VPS37A: variants seen among roughly 807,000 people sequenced by gnomAD.
VPS37A encodes the protein VPS37A subunit of ESCRT-I, also known as vacuolar protein sorting-associated protein 37A.
A neutral mutation model predicts 49.8 loss-of-function variants in VPS37A; 30 were observed. The observed-to-expected ratio is 0.60, with a 90% CI of 0.45 to 0.82. VPS37A has a LOEUF of 0.82. Ranked by LOEUF, VPS37A falls within the 40% of genes least tolerant of loss-of-function variation. The pLI, the probability that VPS37A is intolerant of heterozygous loss-of-function variation, is 0.00. For synonymous variants in VPS37A, 195 were observed against 160.6 expected, an observed-to-expected ratio of 1.21 and a Z score of -1.62; for missense variants, 593 against 464.4, an observed-to-expected ratio of 1.28 and a Z score of -2.55.
At chr8:17,312,852 C>T in the VPS37A span, among the ~76,000 whole-genome samples, 1 of 152,138 alleles carries the variant, frequency 6.6e-6, no homozygotes, top group Non-Finnish European at 1.5e-5. Flanking sequence ...TCTAAAACAG[C>T]TTATGTGAAA....
intron 6 of VPS37A, chr8:17,279,580 A>T (rs1814842897): frequency 3.4e-6 from 1 of 291,114 alleles, no homozygotes; most frequent in African/African-American, 2.2e-5. Flanking sequence ...TCAAGCAATT[A>T]AGTTAAACAG....
intron 1 of VPS37A, 172 bp downstream of exon 1, chr8:17,247,541 T>C (rs1244030856): frequency 2.1e-6 from 2 of 950,476 alleles, no homozygotes; most frequent in South Asian, 1.5e-5. Flanking sequence ...TTTACTGTTT[T>C]CCTCCGGACC....
chr8:17,249,064 AC>A (rs2150340021), intron 1 of VPS37A, among the ~76,000 whole-genome samples: 1 of 152,326 alleles, frequency 6.6e-6, no homozygotes, highest in African/African-American at 2.4e-5. Context: ...CTTTTTTAGA[AC>A]CACACTTTTG....
intron 1 of VPS37A, among the ~76,000 whole-genome samples, chr8:17,264,480 T>C (rs1343809305): frequency 6.6e-6 from 1 of 152,194 alleles, no homozygotes; most frequent in African/African-American, 2.4e-5. Flanking sequence ...GAGTCTTTTC[T>C]TAATCGTTTT....
downstream of VPS37A, chr8:17,299,889 A>G (rs1176670493): frequency 1.2e-6 from 2 of 1,614,088 alleles, no homozygotes; most frequent in Non-Finnish European, 1.7e-6. Flanking sequence ...CGGCTTCATC[A>G]GAATCCCGGT....
chr8:17,300,280 A>C (rs202019101), downstream of VPS37A: 1 of 1,519,842 alleles, frequency 6.6e-7, no homozygotes, highest in Non-Finnish European at 8.9e-7. Context: ...ATCTTTTTCT[A>C]TATATGCATG....
chr8:17,313,392 A>C, the VPS37A span: 1 of 1,609,304 alleles, frequency 6.2e-7, no homozygotes, highest in African/African-American at 1.3e-5. Context: ...GGGAGATTTA[A>C]GTTCACACAC....
chr8:17,331,305 A>G, the VPS37A span: 8 of 1,566,388 alleles, frequency 5.1e-6, no homozygotes, highest in Non-Finnish European at 6.9e-6. Flanking sequence ...GCAAAACAGA[A>G]CAGTCATCAA....
intron 1 of VPS37A, chr8:17,248,499 C>T (rs1268715530): frequency 2.6e-6 from 1 of 391,276 alleles, no homozygotes; most frequent in Middle Eastern, 8.5e-4. Flanking sequence ...TGGTCTCGAA[C>T]TCCTGACCTT....
intron 1 of VPS37A, among the ~76,000 whole-genome samples, chr8:17,254,563 T>A (rs961367460): frequency 1.3e-5 from 2 of 152,226 alleles, no homozygotes; most frequent in East Asian, 1.9e-4. Context: ...ACCTTCAAAC[T>A]GCTCCAAACT....
chr8:17,320,016 T>A, the VPS37A span, among the ~76,000 whole-genome samples: 4 of 152,316 alleles, frequency 2.6e-5, no homozygotes, highest in African/African-American at 9.6e-5. Flanking sequence ...TTTAAAGGCA[T>A]GCTACACACA....
In VPS37A at chr8:17,288,487, C is replaced by T. The variant is rs116116546; in HGVS notation, c.*2060C>T. ...CATGCATTAGTTGGTTTTCTGTTCC[C>T]GTGTTAGTTTCCTGAGAATGATGGT... On this transcript the variant is annotated intron_variant, in intron 11 of 11. Coordinates refer to ENST00000324849, the MANE Select transcript of VPS37A (RefSeq NM_152415.3). 5.0e-3 allele frequency among the ~76,000 whole-genome samples: 762 copies of T among 152,156 alleles called. 12 individuals are homozygous for T. The highest frequency in any genetic ancestry group is 0.037 in the East Asian group (191 of 5,168).
chr8:17,251,054 T>G (rs1350999762), intron 1 of VPS37A, among the ~76,000 whole-genome samples: 1 of 152,186 alleles, frequency 6.6e-6, no homozygotes, highest in African/African-American at 2.4e-5. Flanking sequence ...GAAGCTGACT[T>G]TATGGACACT....
the VPS37A span, chr8:17,309,259 GTC>G: frequency 1.2e-5 from 18 of 1,456,216 alleles, no homozygotes; most frequent in Non-Finnish European, 1.7e-5. Flanking sequence ...ATTCAAAACA[GTC>G]TTAAATATTA....
At chr8:17,251,131 A>G (rs1811936130) in intron 1 of VPS37A, among the ~76,000 whole-genome samples, 1 of 152,110 alleles carries the variant, frequency 6.6e-6, no homozygotes, top group East Asian at 1.9e-4. Context: ...AGCCTCCACT[A>G]GAGGTGAATA....
chr8:17,306,984 G>A (rs1817495569), downstream of VPS37A, among the ~76,000 whole-genome samples: 1 of 152,136 alleles, frequency 6.6e-6, no homozygotes, highest in Admixed American at 6.5e-5. Context: ...CATGGGCAAG[G>A]ACTTCATGTC....
intron 9 of VPS37A, among the ~76,000 whole-genome samples, chr8:17,283,568 C>G (rs1272371870): frequency 6.6e-6 from 1 of 152,156 alleles, no homozygotes; most frequent in Non-Finnish European, 1.5e-5. Flanking sequence ...CTTTGCCTGT[C>G]GATAATCCAG....
intron 1 of VPS37A, 159 bp from the exon 2 acceptor site, chr8:17,265,748 T>A (rs1216233131): frequency 6.6e-7 from 1 of 1,526,288 alleles, no homozygotes; most frequent in East Asian, 2.5e-5. Flanking sequence ...TTTCTAACTA[T>A]GATCATTTTC....
downstream of VPS37A, among the ~76,000 whole-genome samples, chr8:17,303,953 T>C (rs560011664): frequency 8.5e-5 from 13 of 152,310 alleles, no homozygotes; most frequent in Middle Eastern, 3.4e-3. Context: ...ACCTATTACG[T>C]TGGTGCAAAA....
Sources: gnomAD v4.1 joint callset for allele counts (sites outside exome capture counted in the v4.1 genomes callset) on GRCh38, gnomAD v4.1.1 for gene constraint, MANE v1.5 for transcripts, NCBI Gene and HGNC (gene_info 2026-07-23, HGNC 2026-07-21) for gene names.